CROCC2: variants seen among roughly 807,000 people sequenced by gnomAD.
CROCC2 encodes ciliary rootlet coiled-coil, rootletin family member 2.
Under a neutral mutation model 177.6 loss-of-function variants are expected in CROCC2, and 163 were observed. That is an observed-to-expected ratio of 0.92 (90% CI 0.81 to 1.05). The LOEUF is 1.05. CROCC2 is among the 50% of genes least tolerant of loss of function. The probability of loss-of-function intolerance (pLI) is 0.00; values close to 1 mark genes in which losing one functional copy is unlikely to be tolerated. For missense variants in CROCC2, 1,929 were observed against 1,797.8 expected (o/e 1.07, Z -1.32); for synonymous variants, 904 against 787.3 (o/e 1.15, Z -2.48).
intron 14 of CROCC2, 27 bp from the exon 15 acceptor site, chr2:240,946,033 C>T (rs777740248): frequency 4.2e-5 from 62 of 1,465,206 alleles, no homozygotes; most frequent in Admixed American, 3.8e-4. Flanking sequence ...CTTTCTCTGC[C>T]GACTGTCCCC....
At chr2:240,961,288 T>G (rs1244021758) in intron 20 of CROCC2, among the ~76,000 whole-genome samples, 1 of 151,762 alleles carries the variant, frequency 6.6e-6, no homozygotes, top group Non-Finnish European at 1.5e-5. Context: ...CGGTGTACAC[T>G]TGACACTCAG....
chr2:240,918,915 C>CTT lies in CROCC2; in HGVS notation c.229+39_229+40insTT. Reference sequence around the variant, plus strand: ...GGACAGTCCTGGGCCCGGGGCTGGCCAAGGTGACGGCGTGGGGGACAGTCC... The same window carrying CTT: ...GGACAGTCCTGGGCCCGGGGCTGGCCTTAAGGTGACGGCGTGGGGGACAGTCC... On this transcript the variant is annotated intron_variant, in intron 2 of 31. Coordinates refer to ENST00000690015, the MANE Select transcript of CROCC2 (RefSeq NM_001351305.2). The surrounding 1 kb of genome is among the most constrained non-coding windows in gnomAD (Gnocchi z 6.3). 1.5e-6 allele frequency: 1 copy of CTT among 668,164 alleles called. No homozygotes were observed. The highest frequency in any genetic ancestry group is 2.0e-5 in the African/African-American group (1 of 50,114). The allele number at this position is 668,164 out of a possible 1,614,324, so 41.4% of individuals were successfully genotyped here.
intron 20 of CROCC2, chr2:240,959,661 G>A: frequency 1.9e-6 from 1 of 516,616 alleles, no homozygotes; most frequent in Non-Finnish European, 3.2e-6. Context: ...CAGGCTCTCA[G>A]GGCAGATGAA....
rs2059624205 is a variant in CROCC2 at position 240,960,481 on chromosome 2, A to G, written c.3087+1037A>G. Among the ~76,000 whole-genome samples the G allele has an allele frequency of 6.9e-6, 1 of 145,820 alleles. No homozygotes were observed. Among genetic ancestry groups the G allele is most frequent in the Non-Finnish European group, 1.5e-5 (1 of 66,602 alleles). ...CAGCGGGCAGGCAGATTGGAGAGGC[A>G]TTTCTGAGGGGGGTTGGCAGGACGG... On this transcript the variant is annotated intron_variant, in intron 20 of 31. Coordinates refer to ENST00000690015, the MANE Select transcript of CROCC2 (RefSeq NM_001351305.2). The surrounding 1 kb of genome is among the most constrained non-coding windows in gnomAD (Gnocchi z 5.0).
chr2:240,985,637 G>C, intron 28 of CROCC2, among the ~76,000 whole-genome samples: 1 of 75,818 alleles, frequency 1.3e-5, no homozygotes, highest in African/African-American at 5.8e-5. Flanking sequence ...ACACACCCAG[G>C]CACTCACTCC....
At chr2:240,934,209 C>T (rs932258330) in intron 11 of CROCC2, 122 bp from the exon 12 acceptor site, 1 of 1,128,448 alleles carries the variant, frequency 8.9e-7, no homozygotes, top group African/African-American at 1.6e-5. Flanking sequence ...TCCAGGGACT[C>T]CATGCTCCTC....
At chr2:240,955,644 C>T (rs1342240301) in intron 18 of CROCC2, 7 of 529,088 alleles carry the variant, frequency 1.3e-5, no homozygotes, top group Non-Finnish European at 2.4e-5. Context: ...AGAGGGCAGG[C>T]GCTCAGAGGG....
rs992063905 is a variant in CROCC2 at position 240,965,453 on chromosome 2, G to A, written c.3538G>A (p.Glu1180Lys). 6.5e-6 allele frequency: 10 copies of A among 1,549,880 alleles called. 1 individual carries two copies. The African/African-American group carries it at 1.2e-4, about 19-fold the overall frequency. The stretch of plus-strand genomic sequence containing the variant: ...TGAGCTGCAGGCGCAGTGCTCGCAG[G>A]AGGTGCTGGAGCTGCGGAGGCAGGC... ...AHELQAQCSQ[E>K]VLELRRQAAK... is the part of the protein sequence containing the mutation. Residue 1180 changes from glutamate (E) to lysine (K), a missense_variant, in exon 23 of 32, where the codon GAG becomes AAG. Glu to Lys is a moderately conservative substitution (Grantham distance 56). Around this residue, in one of 3 missense-constraint regions of CROCC2, gnomAD observed 144 missense variants for 205.2 expected, o/e 0.70. Coordinates refer to ENST00000690015, the MANE Select transcript of CROCC2 (RefSeq NM_001351305.2).
chr2:240,913,047 A>G (rs1303701559), intron 1 of CROCC2, among the ~76,000 whole-genome samples: 1 of 152,202 alleles, frequency 6.6e-6, no homozygotes, highest in Non-Finnish European at 1.5e-5. Context: ...AGGCCCTGTC[A>G]GGCACAGCCA....
intron 27 of CROCC2, among the ~76,000 whole-genome samples, chr2:240,969,913 G>A (rs895959961): frequency 1.3e-5 from 2 of 152,132 alleles, no homozygotes; most frequent in Non-Finnish European, 2.9e-5. Context: ...ATTTTTAGTA[G>A]AGACAGGTTT....
rs762612287 is a variant in CROCC2, at chr2:240,917,297, G to A, written c.79-1429G>A. The stretch of plus-strand genomic sequence containing the variant: ...TCTGCGGTGACTCTCCAACCCCGGC[G>A]AGGGGGGCCGCGATCTTTGGGGTGC... On this transcript the variant is annotated intron_variant, in intron 1 of 31. Transcript: ENST00000690015. This position sits in a 1 kb window ranked among gnomAD's most constrained non-coding sequence, Gnocchi z 4.9. 1.2e-4 allele frequency among the ~76,000 whole-genome samples: 16 copies of A among 136,158 alleles called. No individual in the cohort carries two copies. Among genetic ancestry groups the A allele is most frequent in the Non-Finnish European group, 2.1e-4 (14 of 67,708 alleles). 89.3% of individuals were successfully genotyped at this position (136,158 alleles called of 152,430 possible).
At chr2:240,932,436 G>C (rs1245381067) in intron 8 of CROCC2, 22 bp downstream of exon 8, 2 of 717,424 alleles carry the variant, frequency 2.8e-6, no homozygotes, top group Non-Finnish European at 5.2e-6. Context: ...GGACGGGGGT[G>C]GCTGTGTGGC....
intron 27 of CROCC2, among the ~76,000 whole-genome samples, chr2:240,968,557 G>A (rs1450962114): frequency 1.3e-5 from 2 of 152,174 alleles, no homozygotes; most frequent in Non-Finnish European, 2.9e-5. Context: ...ACTTGGCCCT[G>A]GGGGCACAGC....
chr2:240,955,866 C>G lies in CROCC2; in HGVS notation c.2837C>G (p.Ser946Cys). 6.5e-7 allele frequency: 1 copy of G among 1,533,736 alleles called. No individual in the cohort carries two copies. The highest frequency in any genetic ancestry group is 8.7e-7 in the Non-Finnish European group (1 of 1,145,598). ...QLEHKMQQAL[S>C]LKETERSLLS... is the part of the protein sequence containing the mutation. ...ATACCCCGTCCTGTTCAGGCCCTGTCCCTGAAAGAAACAGAGCGGAGCCTT... is the reference window on the plus strand; with the variant it reads ...ATACCCCGTCCTGTTCAGGCCCTGTGCCTGAAAGAAACAGAGCGGAGCCTT... The change falls in exon 19 of 32, where the codon TCC becomes TGC. Residue 946 changes from serine to cysteine, a missense_variant. Around this residue, in one of 3 missense-constraint regions of CROCC2, gnomAD observed 1,397 missense variants for 1,239.9 expected, o/e 1.13. Coordinates refer to ENST00000690015, the MANE Select transcript of CROCC2 (RefSeq NM_001351305.2).
chr2:240,961,419 A>G (rs1388693843), intron 20 of CROCC2, among the ~76,000 whole-genome samples: 2 of 151,962 alleles, frequency 1.3e-5, no homozygotes, highest in East Asian at 1.9e-4. Flanking sequence ...TGCACCAAGC[A>G]CACACACGCA....
At chr2:240,948,478 C>T (rs756796282) in intron 15 of CROCC2, among the ~76,000 whole-genome samples, 1 of 152,156 alleles carries the variant, frequency 6.6e-6, no homozygotes, top group Non-Finnish European at 1.5e-5. Context: ...TGTGTTTGTA[C>T]GTGTTGTTTA....
rs2059810173 is a variant in CROCC2, at chr2:240,982,843, G to A, written c.4402-37G>A. On this transcript the variant is annotated intron_variant, in intron 27 of 31. Coordinates refer to ENST00000690015, the MANE Select transcript of CROCC2 (RefSeq NM_001351305.2). The surrounding 1 kb of genome is among the most constrained non-coding windows in gnomAD (Gnocchi z 4.7). ...TTCCCTGCAGGGCCTCCCACCCCCA[G>A]TGTCTCCAGGTGGACCCTGTGTCTC... 6.5e-7 allele frequency: 1 copy of A among 1,528,154 alleles called. No homozygotes were observed. Among genetic ancestry groups the A allele is most frequent in the Admixed American group, 2.0e-5 (1 of 49,142 alleles). 94.7% of individuals were successfully genotyped at this position (1,528,154 alleles called of 1,614,324 possible).
At chr2:240,985,959 C>T in intron 28 of CROCC2, 2 of 456,620 alleles carry the variant, frequency 4.4e-6, no homozygotes, top group Admixed American at 2.3e-5. Flanking sequence ...TCACACCGAT[C>T]CCTCTTTCTG....
intron 28 of CROCC2, among the ~76,000 whole-genome samples, chr2:240,985,645 T>C (rs1286825475): frequency 2.0e-5 from 1 of 50,816 alleles, no homozygotes; most frequent in Non-Finnish European, 3.6e-5. Flanking sequence ...AGGCACTCAC[T>C]CCACACACAC....
Sources: gnomAD v4.1 joint callset for allele counts (sites outside exome capture counted in the v4.1 genomes callset) on GRCh38, gnomAD v4.1.1 for gene constraint, gnomAD v4.1.1 regional missense constraint, Gnocchi (gnomAD v3.1) non-coding constraint, MANE v1.5 for transcripts, NCBI Gene and HGNC (gene_info 2026-07-23, HGNC 2026-07-21) for gene names.